The following CLTCL1 variants were observed in gnomAD, a reference collection of about 807,000 sequenced individuals.
The protein encoded by CLTCL1 is clathrin heavy chain like 1, also known as clathrin heavy chain 2.
In CLTCL1, 159 loss-of-function variants were observed where a neutral mutation model predicts 190.0. The ratio of observed to expected loss-of-function variants is 0.84; its 90% CI spans 0.74 to 0.95. CLTCL1 has a LOEUF of 0.95. Ranked by LOEUF, CLTCL1 falls within the 40% of genes least tolerant of loss-of-function variation. The pLI, the probability that CLTCL1 is intolerant of heterozygous loss-of-function variation, is 0.00. For synonymous variants in CLTCL1, 752 were observed against 769.6 expected, an observed-to-expected ratio of 0.98 and a Z score of 0.38; for missense variants, 1,878 against 2,033.4, an observed-to-expected ratio of 0.92 and a Z score of 1.47.
intron 14 of CLTCL1, among the ~76,000 whole-genome samples, chr22:19,223,600 T>C (rs2085644186): frequency 6.6e-6 from 1 of 152,248 alleles, no homozygotes; most frequent in Non-Finnish European, 1.5e-5. Flanking sequence ...TACTTGTTTC[T>C]GCAGCTTTGC....
intron 7 of CLTCL1, 139 bp downstream of exon 7, chr22:19,234,369 GC>G: frequency 1.4e-6 from 1 of 737,422 alleles, no homozygotes; most frequent in South Asian, 2.3e-5. Flanking sequence ...TGCCATTGGT[GC>G]AAAAATTTTA....
At chr22:19,201,743 G>C (rs1208346914) in intron 22 of CLTCL1, among the ~76,000 whole-genome samples, 1 of 152,012 alleles carries the variant, frequency 6.6e-6, no homozygotes, top group Non-Finnish European at 1.5e-5. Flanking sequence ...CTCAGGCCCT[G>C]GCTGTCACCT....
chr22:19,231,944 A>C (rs1162766650), intron 10 of CLTCL1, among the ~76,000 whole-genome samples: 4 of 152,232 alleles, frequency 2.6e-5, no homozygotes, highest in African/African-American at 9.6e-5. Flanking sequence ...CCTTGCTTCA[A>C]GCTTTGTTAC....
chr22:19,256,071 T>C (rs1426781579), intron 2 of CLTCL1, among the ~76,000 whole-genome samples: 1 of 152,124 alleles, frequency 6.6e-6, no homozygotes, highest in African/African-American at 2.4e-5. Context: ...TCAGAACACT[T>C]AAAATTGCCA....
intron 2 of CLTCL1, among the ~76,000 whole-genome samples, chr22:19,262,855 AC>A (rs1320462932): frequency 6.6e-6 from 1 of 151,326 alleles, no homozygotes; most frequent in Non-Finnish European, 1.5e-5. Flanking sequence ...ACATGGTGAA[AC>A]CCCATCTCTA....
intron 13 of CLTCL1, among the ~76,000 whole-genome samples, chr22:19,224,958 T>C (rs1345556740): frequency 6.6e-6 from 1 of 152,166 alleles, no homozygotes; most frequent in Non-Finnish European, 1.5e-5. Context: ...GAACACTTTT[T>C]TGGTGTGATG....
chr22:19,209,303 A>G, intron 20 of CLTCL1, 189 bp from the exon 21 acceptor site: 1 of 506,940 alleles, frequency 2.0e-6, no homozygotes, highest in Non-Finnish European at 3.5e-6. Flanking sequence ...TTATATGAGA[A>G]GGGGGATGCC....
Position 19,208,249 on chromosome 22 carries a change from T to C in CLTCL1, c.3505A>G (p.Ile1169Val), listed in dbSNP as rs1555944140. 9 of 1,613,842 alleles carry C rather than the reference T, an allele frequency of 5.6e-6. No homozygotes were observed. The highest frequency in any genetic ancestry group is 7.6e-6 in the Non-Finnish European group (9 of 1,179,888). ...AAGGCAAAAATAAGTTCAGTCTCTA[T>C]ATAGGACTCACGGCCCTTTTTCCTG... The part of the protein sequence containing the change: ...MARKKGRESY[I>V]ETELIFALAK... The change falls in exon 22 of 33, where the codon ATA (isoleucine) becomes GTA (valine). Residue 1169 changes from isoleucine (I) to valine (V), a missense_variant. Physicochemically the swap from Ile to Val is conservative, Grantham distance 29 (BLOSUM62 3). Coordinates refer to ENST00000427926, the MANE Select transcript of CLTCL1 (RefSeq NM_007098.4).
chr22:19,212,175 C>T (rs1484718461), intron 19 of CLTCL1, among the ~76,000 whole-genome samples: 4 of 152,116 alleles, frequency 2.6e-5, no homozygotes, highest in Non-Finnish European at 5.9e-5. Context: ...GTTCCAGTTC[C>T]AGCAGATTTT....
chr22:19,274,455 A>C (rs2087429363), intron 2 of CLTCL1, among the ~76,000 whole-genome samples: 1 of 152,218 alleles, frequency 6.6e-6, no homozygotes, highest in South Asian at 2.1e-4. Context: ...TTCTAACCAA[A>C]ATCATTTATA....
At chr22:19,249,240 T>C (rs996700670) in intron 3 of CLTCL1, among the ~76,000 whole-genome samples, 1 of 152,168 alleles carries the variant, frequency 6.6e-6, no homozygotes, top group Non-Finnish European at 1.5e-5. Context: ...GTGCCTATAA[T>C]CCCAGCTACT....
chr22:19,209,949 G>A (rs542032185), intron 20 of CLTCL1, among the ~76,000 whole-genome samples: 10 of 152,228 alleles, frequency 6.6e-5, no homozygotes, highest in African/African-American at 2.4e-4. Flanking sequence ...GGGAGTATAG[G>A]GGGTGAGTAG....
chr22:19,246,937 C>A (rs2086437864), intron 3 of CLTCL1, among the ~76,000 whole-genome samples: 1 of 152,000 alleles, frequency 6.6e-6, no homozygotes, highest in Non-Finnish European at 1.5e-5. Context: ...ATATTACATC[C>A]CAGGTTGTCT....
At chr22:19,200,790 C>T (rs2084858372) in intron 23 of CLTCL1, among the ~76,000 whole-genome samples, 1 of 152,114 alleles carries the variant, frequency 6.6e-6, no homozygotes, top group South Asian at 2.1e-4. Flanking sequence ...TGCAGTGAGC[C>T]GAGATCGTGT....
intron 2 of CLTCL1, among the ~76,000 whole-genome samples, chr22:19,256,362 T>TA (rs1158557534): frequency 4.5e-5 from 6 of 133,090 alleles, no homozygotes; most frequent in African/African-American, 1.7e-4. Flanking sequence ...ATCTTTTTTT[T>TA]TTTTTTTTTT....
At position 19,249,959 on chromosome 22, in the gene CLTCL1, A is replaced by T. The variant is rs143739975; in HGVS notation, c.519+4000T>A. ...CGTGGCATATTATTATTAAAGGTGA[A>T]TACAAATAAATGGGCCGGGCGCGGT... On this transcript the variant is annotated intron_variant, in intron 3 of 32. Transcript: ENST00000427926. 3.4e-3 allele frequency: 1,386 copies of T among 407,480 alleles called. 10 individuals are homozygous for T. Among genetic ancestry groups the T allele is most frequent in the African/African-American group, 0.019 (935 of 48,208 alleles). 25.2% of individuals were successfully genotyped at this position (407,480 alleles called of 1,614,324 possible). A position where few individuals can be genotyped will look rare whatever the true frequency, so the allele number is the denominator to read the frequency against.
Position 19,229,933 on chromosome 22 carries a change from T to A in CLTCL1, c.1687A>T (p.Thr563Ser). Residue 563 changes from threonine (T) to serine (S), a missense_variant, in exon 11 of 33, where the codon ACT (threonine) becomes TCT (serine). Transcript: ENST00000427926. ...TTCAAGGCATCCAATAAGAAGGAAG[T>A]ACACTGCTGAATTAAACTGTTTTCC... is the stretch of plus-strand genomic sequence containing the variant. ...FMENSLIQQC[T>S]SFLLDALKNN... 1 of 1,611,332 alleles carries A rather than the reference T, an allele frequency of 6.2e-7. No individual in the cohort carries two copies. The highest frequency in any genetic ancestry group is 8.5e-7 in the Non-Finnish European group (1 of 1,178,812).
At chr22:19,186,149 G>C (rs927454430) in intron 29 of CLTCL1, among the ~76,000 whole-genome samples, 1 of 152,092 alleles carries the variant, frequency 6.6e-6, no homozygotes, top group African/African-American at 2.4e-5. Context: ...TGAGGCCCCT[G>C]TGCGGGACAG....
chr22:19,216,696 G>A (rs782562343), intron 18 of CLTCL1, among the ~76,000 whole-genome samples: 47 of 152,316 alleles, frequency 3.1e-4, no homozygotes, highest in Middle Eastern at 3.4e-3. Flanking sequence ...CCTTCACACC[G>A]GATGACACTC....
Sources: gnomAD v4.1 joint callset for allele counts (sites outside exome capture counted in the v4.1 genomes callset) on GRCh38, gnomAD v4.1.1 for gene constraint, MANE v1.5 for transcripts, NCBI Gene and HGNC (gene_info 2026-07-23, HGNC 2026-07-21) for gene names.